Variants in GTF3C6 observed in about 807,000 individuals in gnomAD.
GTF3C6 encodes general transcription factor 3C polypeptide 6.
A neutral mutation model predicts 19.2 loss-of-function variants in GTF3C6; 11 were observed. The ratio of observed to expected loss-of-function variants is 0.57; its 90% CI spans 0.36 to 0.95. The LOEUF (loss-of-function observed/expected upper bound fraction) is 0.95, where lower values mean the gene tolerates loss of function less well. Ranked by LOEUF, GTF3C6 falls within the 40% of genes least tolerant of loss-of-function variation. GTF3C6 has a pLI of 0.01. For synonymous variants in GTF3C6, 87 were observed against 84.2 expected, an observed-to-expected ratio of 1.03 and a Z score of -0.18; for missense variants, 222 against 254.7, an observed-to-expected ratio of 0.87 and a Z score of 0.87.
chr6:110,962,471 C>A lies in GTF3C6; in HGVS notation c.327C>A (p.Leu109=), dbSNP rs371266466. Residue 109 remains leucine (L), a synonymous_variant, in exon 5 of 6, where the codon CTC becomes CTA. Transcript: ENST00000329970. ...TMKKLSMTRT[L]LTEKKEGEEN... ...AGAAGCTCAGCATGACAAGAACTCT[C>A]CTGACAGAGAAGAAGGAAGGAGAAG... The A allele has an allele frequency of 4.3e-6, 7 of 1,610,120 alleles. No individual in the cohort carries two copies. Among genetic ancestry groups the A allele is most frequent in the Non-Finnish European group, 6.0e-6 (7 of 1,176,384 alleles).
chr6:110,961,905 A>AT (rs67754425), intron 4 of GTF3C6, among the ~76,000 whole-genome samples: 127 of 147,416 alleles, frequency 8.6e-4, no homozygotes, highest in Middle Eastern at 3.6e-3. Context: ...CTGTTAACGT[A>AT]TTTTTTTTTT....
Position 110,959,189 on chromosome 6 carries a change from G to A in GTF3C6, c.75G>A (p.Val25=), listed in dbSNP as rs766780096. The A allele has an allele frequency of 1.2e-6, 2 of 1,611,866 alleles. No individual in the cohort carries two copies. The highest frequency in any genetic ancestry group is 2.2e-5 in the East Asian group (1 of 44,856). ...TTCACCAGGAGCAGTTGGTTCTGGTGGAATTATCAGGAATTATTGATTCAG... is the reference window on the plus strand; with the variant it reads ...TTCACCAGGAGCAGTTGGTTCTGGTAGAATTATCAGGAATTATTGATTCAG... ...DEEEEEQLVL[V]ELSGIIDSDF... is the part of the protein sequence containing the mutation. Residue 25 remains valine (V), a synonymous_variant, in exon 2 of 6, where the codon GTG becomes GTA. Coordinates refer to ENST00000329970, the MANE Select transcript of GTF3C6 (RefSeq NM_138408.4).
intron 4 of GTF3C6, among the ~76,000 whole-genome samples, chr6:110,961,082 T>C (rs1321035746): frequency 1.3e-5 from 2 of 151,828 alleles, no homozygotes; most frequent in Non-Finnish European, 2.9e-5. Flanking sequence ...TCCAGATACA[T>C]TTGAAGTCCT....
At chr6:110,963,014 T>C (rs535319870) in intron 5 of GTF3C6, among the ~76,000 whole-genome samples, 52 of 152,256 alleles carry the variant, frequency 3.4e-4, no homozygotes, top group African/African-American at 1.2e-3. Flanking sequence ...CTTGACGTCA[T>C]GATCCGCCCG....
At chr6:110,962,774 C>CA (rs1015468275) in intron 5 of GTF3C6, among the ~76,000 whole-genome samples, 1 of 142,360 alleles carries the variant, frequency 7.0e-6, no homozygotes, top group Non-Finnish European at 1.5e-5. Flanking sequence ...AGCCAATTTT[C>CA]TTTTTTTTTC....
rs1054842961 is a variant in GTF3C6 at position 110,965,870 on chromosome 6, C to T, written c.362-1640C>T. Among the ~76,000 whole-genome samples the T allele has an allele frequency of 2.0e-5, 3 of 152,150 alleles. No individual in the cohort carries two copies. In the East Asian group the frequency reaches 5.8e-4, roughly 29 times the overall value. On this transcript the variant is annotated intron_variant, in intron 5 of 5. Coordinates refer to ENST00000329970, the MANE Select transcript of GTF3C6 (RefSeq NM_138408.4). ...CAAAAAACCAGTATCTTACAGTTTC[C>T]GTGAATCAGGAATTTGGGAGCAGTT...
At chr6:110,964,632 T>C (rs1771205509) in intron 5 of GTF3C6, among the ~76,000 whole-genome samples, 2 of 151,370 alleles carry the variant, frequency 1.3e-5, no homozygotes, top group South Asian at 2.1e-4. Flanking sequence ...TTCTTTTCCT[T>C]TTGACGTTTT....
At chr6:110,965,601 G>C (rs977922550) in intron 5 of GTF3C6, among the ~76,000 whole-genome samples, 5 of 152,162 alleles carry the variant, frequency 3.3e-5, no homozygotes, top group Admixed American at 6.5e-5. Context: ...ATTATAAGAA[G>C]AAAGAGGTAC....
At chr6:110,959,971 A>T (rs200317000) in intron 2 of GTF3C6, among the ~76,000 whole-genome samples, 39,550 of 151,430 alleles carry the variant, frequency 0.26, 5,886 homozygotes, top group East Asian at 0.65. Flanking sequence ...TAAAAAAAAA[A>T]AATAATAATA....
intron 5 of GTF3C6, among the ~76,000 whole-genome samples, chr6:110,966,061 T>TTGTCCTCCTCACAAGACTGTTTGAA (rs1771225322): frequency 2.6e-5 from 4 of 152,228 alleles, no homozygotes; most frequent in African/African-American, 9.6e-5. Context: ...CCTTGACATG[T>TTGTCCTCCTCACAAGACTGTTTGAA]TGTCCTCCTC....
chr6:110,958,916 C>A, intron 1 of GTF3C6, 90 bp downstream of exon 1: 11 of 1,394,984 alleles, frequency 7.9e-6, no homozygotes, highest in Non-Finnish European at 7.8e-6. Flanking sequence ...GAGCTGCGGG[C>A]CGGAGGGAGG....
intron 5 of GTF3C6, among the ~76,000 whole-genome samples, chr6:110,966,059 T>G (rs1384513943): frequency 1.3e-5 from 2 of 152,316 alleles, no homozygotes; most frequent in African/African-American, 4.8e-5. Flanking sequence ...TTCCTTGACA[T>G]GTTGTCCTCC....
At chr6:110,959,441 G>A (rs564809003) in intron 2 of GTF3C6, among the ~76,000 whole-genome samples, 189 bp downstream of exon 2, 3 of 152,250 alleles carry the variant, frequency 2.0e-5, no homozygotes, top group Non-Finnish European at 4.4e-5. Flanking sequence ...GAAGTACAGC[G>A]GGGACTATGG....
intron 4 of GTF3C6, among the ~76,000 whole-genome samples, chr6:110,961,700 G>A (rs1382810821): frequency 6.6e-6 from 1 of 152,066 alleles, no homozygotes; most frequent in Non-Finnish European, 1.5e-5. Context: ...TTGGCTTCAG[G>A]TAGTAAGTCT....
intron 5 of GTF3C6, among the ~76,000 whole-genome samples, chr6:110,965,819 C>G (rs1457442073): frequency 6.6e-6 from 1 of 152,158 alleles, no homozygotes; most frequent in African/African-American, 2.4e-5. Context: ...CAAATTATCC[C>G]TAAACTTGAC....
intron 1 of GTF3C6, 122 bp downstream of exon 1, chr6:110,958,948 T>C (rs1583245675): frequency 8.4e-7 from 1 of 1,185,368 alleles, no homozygotes; most frequent in Non-Finnish European, 1.2e-6. Context: ...CTCACCGGCT[T>C]CTTGCTCCTG....
chr6:110,965,721 A>G (rs1254777032), intron 5 of GTF3C6, among the ~76,000 whole-genome samples: 4 of 152,156 alleles, frequency 2.6e-5, no homozygotes, highest in African/African-American at 9.6e-5. Flanking sequence ...AATCTGACAG[A>G]TCTTTGGGAA....
rs1238548865 is a variant in GTF3C6 at position 110,967,735 on chromosome 6, A to C, written c.587A>C (p.Asp196Ala). The change falls in exon 6 of 6, where the codon GAT (aspartate) becomes GCT (alanine). Residue 196 changes from aspartate (D) to alanine (A), a missense_variant. Asp to Ala is a moderately radical substitution (Grantham distance 126). Coordinates refer to ENST00000329970, the MANE Select transcript of GTF3C6 (RefSeq NM_138408.4). ...ATAGAAGATTCTGGTCCTCTTATTG[A>C]TATACCTTCTGAGACAGAAGGTTCT... is the stretch of plus-strand genomic sequence containing the variant. Reference protein sequence around the residue: ...LEIEDSGPLIDIPSETEGSVF... With the variant: ...LEIEDSGPLIAIPSETEGSVF... 1 of 1,613,782 alleles carries C rather than the reference A, an allele frequency of 6.2e-7. No homozygotes were observed. Among genetic ancestry groups the C allele is most frequent in the South Asian group, 1.1e-5 (1 of 90,986 alleles).
intron 5 of GTF3C6, among the ~76,000 whole-genome samples, chr6:110,966,409 G>A (rs1441551876): frequency 3.3e-5 from 5 of 152,096 alleles, no homozygotes; most frequent in East Asian, 3.9e-4. Flanking sequence ...CCCAGGAGGC[G>A]GAGGTTGCAG....
Sources: allele counts gnomAD v4.1 joint callset (sites outside exome capture counted in the v4.1 genomes callset), GRCh38; gene constraint gnomAD v4.1.1; transcripts MANE v1.5; gene names NCBI Gene and HGNC (gene_info 2026-07-23, HGNC 2026-07-21).